TMEM150C: variants seen among roughly 807,000 people sequenced by gnomAD.
TMEM150C encodes the protein tentonin 3.
In TMEM150C, 10 loss-of-function variants were observed where a neutral mutation model predicts 29.9. That is an observed-to-expected ratio of 0.33 (90% CI 0.21 to 0.57). The LOEUF is 0.57. Among genes scored for constraint, TMEM150C ranks in the 20% least tolerant of loss-of-function variants. The probability of loss-of-function intolerance (pLI) is 0.88; values close to 1 mark genes in which losing one functional copy is unlikely to be tolerated. For missense variants in TMEM150C, 251 were observed against 303.6 expected (o/e 0.83, Z 1.29); for synonymous variants, 101 against 112.5 (o/e 0.90, Z 0.64).
At position 82,495,491 on chromosome 4, in the gene TMEM150C, G is replaced by A. The variant is rs532284487; in HGVS notation, c.363+577C>T. The A allele has an allele frequency of 3.3e-4, 123 of 369,840 alleles. 1 individual carries two copies. Among genetic ancestry groups the A allele is most frequent in the Non-Finnish European group, 1.4e-4 (26 of 190,790 alleles). The allele number at this position is 369,840 out of a possible 1,614,324, so 22.9% of individuals were successfully genotyped here. ...CTAGCTCTTTTAGGCCCCAGGTGAC[G>A]AGGCACCCTAGTATCAGTCAGTCCA... On this transcript the variant is annotated intron_variant, in intron 6 of 7. Coordinates refer to ENST00000449862, the MANE Select transcript of TMEM150C (RefSeq NM_001080506.3).
At chr4:82,515,255 AC>A (rs1724254326) in intron 1 of TMEM150C, among the ~76,000 whole-genome samples, 1 of 152,172 alleles carries the variant, frequency 6.6e-6, no homozygotes, top group Non-Finnish European at 1.5e-5. Context: ...GCAGTGGCCC[AC>A]CTTTGACATA....
At position 82,515,900 on chromosome 4, in the gene TMEM150C, T is replaced by C. The variant is rs539006037; in HGVS notation, c.-10-11233A>G. ...TGAGATCCTTGTGCCTGGAAGCCCC[T>C]GGTCTACAGCTTTGAAATAGCATCA... On this transcript the variant is annotated intron_variant, in intron 1 of 7. Transcript: ENST00000449862. Among the ~76,000 whole-genome samples, 4 of 152,230 alleles carry C rather than the reference T, an allele frequency of 2.6e-5. No homozygotes were observed. The South Asian group carries it at 8.3e-4, about 32-fold the overall frequency.
At chr4:82,510,151 C>T (rs1328995004) in intron 1 of TMEM150C, among the ~76,000 whole-genome samples, 14 of 151,938 alleles carry the variant, frequency 9.2e-5, no homozygotes, top group Non-Finnish European at 1.5e-4. Context: ...TGGTGGCACG[C>T]GCCTGTAGTC....
At chr4:82,542,589 T>C (rs1389021318) in intron 1 of TMEM150C, among the ~76,000 whole-genome samples, 2 of 152,112 alleles carry the variant, frequency 1.3e-5, no homozygotes, top group Non-Finnish European at 2.9e-5. Flanking sequence ...GTGTGGAAAC[T>C]AGTACAGGGT....
At chr4:82,510,797 C>A (rs1724098163) in intron 1 of TMEM150C, among the ~76,000 whole-genome samples, 1 of 152,142 alleles carries the variant, frequency 6.6e-6, no homozygotes, top group Admixed American at 6.5e-5. Context: ...AAATGATGAA[C>A]GAGTCGCCCA....
intron 1 of TMEM150C, among the ~76,000 whole-genome samples, chr4:82,536,059 A>G (rs1477579661): frequency 2.6e-5 from 4 of 152,130 alleles, no homozygotes; most frequent in Non-Finnish European, 5.9e-5. Context: ...GCAATCAGTG[A>G]GGAATATAAC....
intron 1 of TMEM150C, among the ~76,000 whole-genome samples, chr4:82,553,473 T>C (rs1334842329): frequency 6.6e-6 from 1 of 152,230 alleles, no homozygotes; most frequent in Non-Finnish European, 1.5e-5. Flanking sequence ...CCTTCTGTGA[T>C]GGCTATGGTC....
intron 7 of TMEM150C, 88 bp downstream of exon 7, chr4:82,489,973 A>G: frequency 7.6e-7 from 1 of 1,317,278 alleles, no homozygotes; most frequent in Non-Finnish European, 1.1e-6. Context: ...ATCTGGCAGA[A>G]TATCCTAACC....
At chr4:82,540,388 C>T (rs1725162801) in intron 1 of TMEM150C, among the ~76,000 whole-genome samples, 1 of 151,726 alleles carries the variant, frequency 6.6e-6, no homozygotes, top group African/African-American at 2.4e-5. Context: ...GTGCGGGGAA[C>T]ACAGTGTGAG....
rs186232041 is a variant in TMEM150C, at chr4:82,525,919, T to A, written c.-10-21252A>T. On this transcript the variant is annotated intron_variant, in intron 1 of 7. Transcript: ENST00000449862. Reference sequence around the variant, plus strand: ...CATTTTCTTTTGTTTTGGTTTTTGCTTTTCAGGCAGTGTTTTGCTCTGTCA... The same window carrying A: ...CATTTTCTTTTGTTTTGGTTTTTGCATTTCAGGCAGTGTTTTGCTCTGTCA... 6.9e-4 allele frequency among the ~76,000 whole-genome samples: 105 copies of A among 152,338 alleles called. No individual in the cohort carries two copies. In the East Asian group the frequency reaches 0.019, roughly 28 times the overall value.
intron 6 of TMEM150C, chr4:82,491,424 T>A (rs1281358735): frequency 5.9e-6 from 4 of 673,270 alleles, no homozygotes; most frequent in Non-Finnish European, 8.0e-6. Context: ...CAGCCGCTTA[T>A]AGAGGATGGC....
intron 1 of TMEM150C, among the ~76,000 whole-genome samples, chr4:82,548,300 CA>C (rs1725451727): frequency 6.6e-6 from 1 of 152,146 alleles, no homozygotes; most frequent in Admixed American, 6.5e-5. Flanking sequence ...ATTTAGGTAA[CA>C]AACTTGGACA....
intron 1 of TMEM150C, among the ~76,000 whole-genome samples, chr4:82,520,465 A>G (rs962415979): frequency 6.6e-6 from 1 of 152,030 alleles, no homozygotes; most frequent in African/African-American, 2.4e-5. Context: ...AGACACCTCA[A>G]TTTCTCCCAC....
intron 7 of TMEM150C, among the ~76,000 whole-genome samples, chr4:82,487,956 T>G (rs1340560452): frequency 1.3e-5 from 2 of 152,176 alleles, no homozygotes; most frequent in East Asian, 1.9e-4. Context: ...TATATTTCAA[T>G]AGGATTTTGG....
chr4:82,487,306 G>A (rs369260705), intron 7 of TMEM150C, among the ~76,000 whole-genome samples: 1 of 152,084 alleles, frequency 6.6e-6, no homozygotes, highest in Admixed American at 6.5e-5. Context: ...AAAATTAGCC[G>A]GGTGTTTTGG....
intron 2 of TMEM150C, 67 bp downstream of exon 2, chr4:82,504,511 A>T (rs540810953): frequency 7.2e-7 from 1 of 1,393,482 alleles, no homozygotes; most frequent in African/African-American, 1.4e-5. Context: ...GCCATATACT[A>T]TTAAGGTTTA....
At chr4:82,551,202 G>C (rs955596506) in intron 1 of TMEM150C, among the ~76,000 whole-genome samples, 1 of 152,174 alleles carries the variant, frequency 6.6e-6, no homozygotes, top group Non-Finnish European at 1.5e-5. Context: ...TCAGCAATGA[G>C]ACTTGTAGTT....
At chr4:82,543,127 C>A (rs1280868705) in intron 1 of TMEM150C, among the ~76,000 whole-genome samples, 1 of 152,146 alleles carries the variant, frequency 6.6e-6, no homozygotes, top group Non-Finnish European at 1.5e-5. Context: ...AATACTGGAA[C>A]CAGGATTGGG....
intron 5 of TMEM150C, among the ~76,000 whole-genome samples, chr4:82,497,298 T>C (rs969660857): frequency 1.3e-5 from 2 of 152,220 alleles, no homozygotes; most frequent in Admixed American, 6.5e-5. Flanking sequence ...TAAGATAATT[T>C]ATTTTGACGT....
Sources: allele counts gnomAD v4.1 joint callset (sites outside exome capture counted in the v4.1 genomes callset), GRCh38; gene constraint gnomAD v4.1.1; transcripts MANE v1.5; gene names NCBI Gene and HGNC (gene_info 2026-07-23, HGNC 2026-07-21).